The following NYAP2 variants were observed in gnomAD, a reference collection of about 807,000 sequenced individuals.
The protein encoded by NYAP2 is neuronal tyrosine-phosphorylated phosphoinositide-3-kinase adapter 2.
In NYAP2, 23 loss-of-function variants were observed where a neutral mutation model predicts 50.4. The ratio of observed to expected loss-of-function variants is 0.46; its 90% CI spans 0.33 to 0.65. The LOEUF is 0.65. Among genes scored for constraint, NYAP2 ranks in the 30% least tolerant of loss-of-function variants. The probability of loss-of-function intolerance (pLI) is 0.02; values close to 1 mark genes in which losing one functional copy is unlikely to be tolerated. For synonymous variants in NYAP2, 394 were observed against 365.2 expected, an observed-to-expected ratio of 1.08 and a Z score of -0.90; for missense variants, 885 against 861.0, an observed-to-expected ratio of 1.03 and a Z score of -0.35.
intron 3 of NYAP2, among the ~76,000 whole-genome samples, chr2:225,475,627 A>T (rs527422952): frequency 9.1e-4 from 139 of 152,324 alleles, no homozygotes; most frequent in Non-Finnish European, 1.6e-3. Context: ...GAGGTTTATT[A>T]TTTGAATAAG....
chr2:225,692,274 TTTCTC>T, the NYAP2 span, among the ~76,000 whole-genome samples: 47 of 152,290 alleles, frequency 3.1e-4, 1 homozygote, highest in Admixed American at 5.2e-4. Flanking sequence ...AGTATTTTCT[TTTCTC>T]TTTATGATTT....
intron 6 of NYAP2, among the ~76,000 whole-genome samples, chr2:225,629,570 G>A (rs765926773): frequency 2.0e-5 from 3 of 152,180 alleles, no homozygotes; most frequent in Non-Finnish European, 4.4e-5. Context: ...AAGAAAAGAG[G>A]TGTATTTGGC....
At chr2:225,676,524 C>T in the NYAP2 span, among the ~76,000 whole-genome samples, 1 of 152,024 alleles carries the variant, frequency 6.6e-6, no homozygotes, top group African/African-American at 2.4e-5. Context: ...GCTGGGGAGG[C>T]CTCACAATCA....
chr2:225,415,695 C>A (rs987848577), intron 3 of NYAP2, among the ~76,000 whole-genome samples: 1 of 152,074 alleles, frequency 6.6e-6, no homozygotes, highest in Non-Finnish European at 1.5e-5. Flanking sequence ...AAGTGAGATA[C>A]CCTATTTCTA....
chr2:225,500,815 A>G (rs1169226079), intron 3 of NYAP2, among the ~76,000 whole-genome samples: 1 of 152,208 alleles, frequency 6.6e-6, no homozygotes, highest in Non-Finnish European at 1.5e-5. Flanking sequence ...ACAGGTTTCA[A>G]GAAAACTCAT....
At chr2:225,439,449 A>AT (rs894067664) in intron 3 of NYAP2, among the ~76,000 whole-genome samples, 2 of 152,176 alleles carry the variant, frequency 1.3e-5, no homozygotes, top group Non-Finnish European at 2.9e-5. Context: ...GTCTGAACTC[A>AT]TTTTTTCAGT....
Position 225,597,120 on chromosome 2 carries a change from T to G in NYAP2, c.1618+14085T>G, listed in dbSNP as rs115445244. On this transcript the variant is annotated intron_variant, in intron 5 of 6. Coordinates refer to ENST00000636099, the Ensembl canonical transcript of NYAP2. ...AATGTCCTGGGGTTAAAAAAATAGA[T>G]CTGCCGTCTAACAGCTGTTCTTTGT... Among the ~76,000 whole-genome samples, 225 of 152,126 alleles carry G rather than the reference T, an allele frequency of 1.5e-3. 1 individual carries two copies. Among genetic ancestry groups the G allele is most frequent in the African/African-American group, 5.3e-3 (220 of 41,508 alleles).
At chr2:225,639,304 A>T (rs182889777) in intron 6 of NYAP2, among the ~76,000 whole-genome samples, 36 of 152,300 alleles carry the variant, frequency 2.4e-4, no homozygotes, top group African/African-American at 8.7e-4. Flanking sequence ...ATATAACCTG[A>T]GTTGTGGAAT....
chr2:225,520,964 A>T (rs549230360), intron 4 of NYAP2, among the ~76,000 whole-genome samples: 1 of 150,654 alleles, frequency 6.6e-6, no homozygotes, highest in Admixed American at 6.6e-5. Context: ...AGTGGTTTGT[A>T]GTTCTCCTTG....
intron 6 of NYAP2, among the ~76,000 whole-genome samples, chr2:225,631,342 A>C (rs1294550864): frequency 1.3e-5 from 2 of 152,192 alleles, no homozygotes; most frequent in Admixed American, 6.5e-5. Context: ...TGCCCTCCTG[A>C]GGTTTTTAGT....
At chr2:225,520,948 T>C (rs1055118277) in intron 4 of NYAP2, among the ~76,000 whole-genome samples, 42 of 151,460 alleles carry the variant, frequency 2.8e-4, no homozygotes, top group Non-Finnish European at 4.4e-4. Flanking sequence ...TTTTATTTCA[T>C]TGAGCAGTGG....
At chr2:225,619,841 A>G (rs1167554883) in intron 5 of NYAP2, among the ~76,000 whole-genome samples, 1 of 152,240 alleles carries the variant, frequency 6.6e-6, no homozygotes, top group African/African-American at 2.4e-5. Flanking sequence ...AGACAATGAT[A>G]TACAAAACAC....
chr2:225,502,571 G>A (rs925545051), intron 3 of NYAP2, among the ~76,000 whole-genome samples: 1 of 152,132 alleles, frequency 6.6e-6, no homozygotes, highest in African/African-American at 2.4e-5. Context: ...GACAGACAAG[G>A]ACCAATTAAG....
At chr2:225,480,717 A>C (rs1192626331) in intron 3 of NYAP2, among the ~76,000 whole-genome samples, 1 of 152,162 alleles carries the variant, frequency 6.6e-6, no homozygotes, top group East Asian at 1.9e-4. Flanking sequence ...CAGGAGAATT[A>C]CATATAGGAG....
At chr2:225,436,362 A>C (rs1166782328) in intron 3 of NYAP2, among the ~76,000 whole-genome samples, 1 of 152,184 alleles carries the variant, frequency 6.6e-6, no homozygotes, top group Admixed American at 6.5e-5. Context: ...GTTTGTGAGG[A>C]AGACCCTCCC....
intron 4 of NYAP2, among the ~76,000 whole-genome samples, chr2:225,536,177 C>G (rs1691346759): frequency 1.3e-5 from 2 of 152,186 alleles, no homozygotes; most frequent in African/African-American, 4.8e-5. Flanking sequence ...GGGATAAAGG[C>G]TACCCCTCAG....
intron 4 of NYAP2, among the ~76,000 whole-genome samples, chr2:225,525,110 G>A (rs530654285): frequency 6.6e-6 from 1 of 152,266 alleles, no homozygotes; most frequent in East Asian, 1.9e-4. Flanking sequence ...GCAAAGAAAA[G>A]GGAACATTAT....
chr2:225,632,008 G>T (rs150643628), intron 6 of NYAP2, among the ~76,000 whole-genome samples: 1 of 152,086 alleles, frequency 6.6e-6, no homozygotes. Context: ...AGTAGAGACG[G>T]GGTTTCATCG....
chr2:225,425,339 T>C (rs1429104493), intron 3 of NYAP2, among the ~76,000 whole-genome samples: 1 of 152,208 alleles, frequency 6.6e-6, no homozygotes, highest in Non-Finnish European at 1.5e-5. Context: ...TTTGATCTAT[T>C]GATGTTTTGA....
Sources: gnomAD v4.1 joint callset for allele counts (sites outside exome capture counted in the v4.1 genomes callset) on GRCh38, gnomAD v4.1.1 for gene constraint, MANE v1.5 for transcripts, NCBI Gene and HGNC (gene_info 2026-07-23, HGNC 2026-07-21) for gene names.